Variants in BLVRA observed in about 807,000 individuals in gnomAD.
The protein encoded by BLVRA is BVR A.
BLVRA carries 22 observed loss-of-function variants against 32.8 expected under a neutral mutation model. The observed-to-expected ratio is 0.67, with a 90% CI of 0.48 to 0.96. BLVRA has a LOEUF of 0.96. Among genes scored for constraint, BLVRA ranks in the 40% least tolerant of loss-of-function variants. The pLI is 0.00. For synonymous variants in BLVRA, 119 were observed against 141.3 expected (o/e 0.84, Z 1.12); for missense variants, 323 against 358.1 (o/e 0.90, Z 0.79).
In BLVRA at chr7:43,785,018, G is replaced by A. The variant is rs544992020; in HGVS notation, c.13-2886G>A. Reference sequence around the variant, plus strand: ...TGACACACTGTGCAAGCCAGGTTTTGTATGCAAGTTTGTGTGTATCATTAA... The same window carrying A: ...TGACACACTGTGCAAGCCAGGTTTTATATGCAAGTTTGTGTGTATCATTAA... On this transcript the variant is annotated intron_variant, in intron 2 of 7. Transcript: ENST00000265523. Among the ~76,000 whole-genome samples the A allele has an allele frequency of 4.0e-4, 61 of 152,270 alleles. 2 individuals carry two copies. The South Asian group carries it at 0.011, about 28-fold the overall frequency.
At chr7:43,777,789 G>A (rs576824246) in intron 2 of BLVRA, among the ~76,000 whole-genome samples, 125 of 152,288 alleles carry the variant, frequency 8.2e-4, no homozygotes, top group African/African-American at 2.9e-3. Context: ...CCAATCAGAC[G>A]TAGATTTGGT....
At chr7:43,780,885 G>A (rs943746487) in intron 2 of BLVRA, among the ~76,000 whole-genome samples, 25 of 152,374 alleles carry the variant, frequency 1.6e-4, no homozygotes, top group South Asian at 4.1e-4. Flanking sequence ...CGTGGCGCAT[G>A]CCTGTAATCC....
At chr7:43,786,338 A>G (rs2095777503) in intron 2 of BLVRA, among the ~76,000 whole-genome samples, 1 of 152,208 alleles carries the variant, frequency 6.6e-6, no homozygotes, top group Non-Finnish European at 1.5e-5. Flanking sequence ...AAAAGGACAT[A>G]ACCATCCTAA....
chr7:43,791,667 C>T (rs2095786239), intron 4 of BLVRA: 2 of 338,684 alleles, frequency 5.9e-6, no homozygotes, highest in Non-Finnish European at 1.1e-5. Flanking sequence ...TAGTTTTCAA[C>T]AGTAGTGGCC....
intron 1 of BLVRA, among the ~76,000 whole-genome samples, chr7:43,766,434 A>G (rs2095748016): frequency 6.6e-6 from 1 of 152,238 alleles, no homozygotes; most frequent in Admixed American, 6.5e-5. Context: ...TAAATAGTAC[A>G]CCTTTGAAAT....
At chr7:43,776,239 G>A (rs2095760827) in intron 2 of BLVRA, among the ~76,000 whole-genome samples, 1 of 152,132 alleles carries the variant, frequency 6.6e-6, no homozygotes, top group Non-Finnish European at 1.5e-5. Context: ...ATGTTAGGGT[G>A]TCAATTTTAG....
intron 2 of BLVRA, among the ~76,000 whole-genome samples, chr7:43,781,288 T>G (rs1395279866): frequency 6.6e-6 from 1 of 152,186 alleles, no homozygotes; most frequent in African/African-American, 2.4e-5. Flanking sequence ...CTGTTGCCCC[T>G]TTATAGTCAC....
chr7:43,767,566 C>T (rs2095749623), intron 1 of BLVRA: 1 of 1,017,524 alleles, frequency 9.8e-7, no homozygotes, highest in Non-Finnish European at 1.5e-6. Flanking sequence ...GGAATGAAGG[C>T]TCATGACAGT....
intron 2 of BLVRA, among the ~76,000 whole-genome samples, chr7:43,776,548 T>A (rs1214031735): frequency 6.6e-6 from 1 of 152,134 alleles, no homozygotes; most frequent in Admixed American, 6.5e-5. Context: ...TTCTGAGGAG[T>A]GCTTTACTTC....
intron 2 of BLVRA, among the ~76,000 whole-genome samples, chr7:43,779,558 C>T (rs948934586): frequency 2.6e-5 from 4 of 152,210 alleles, no homozygotes; most frequent in East Asian, 3.8e-4. Flanking sequence ...CTCCCTATTA[C>T]GTTATCTTGA....
chr7:43,777,788 C>T (rs1458685525), intron 2 of BLVRA, among the ~76,000 whole-genome samples: 11 of 152,296 alleles, frequency 7.2e-5, no homozygotes, highest in African/African-American at 1.9e-4. Flanking sequence ...ACCAATCAGA[C>T]GTAGATTTGG....
chr7:43,798,409 C>T (rs949378791), intron 5 of BLVRA, among the ~76,000 whole-genome samples: 2 of 151,950 alleles, frequency 1.3e-5, no homozygotes, highest in Non-Finnish European at 2.9e-5. Context: ...AGTTAAATAT[C>T]CATTCTCATC....
At chr7:43,763,591 A>C (rs2095744710) in intron 1 of BLVRA, among the ~76,000 whole-genome samples, 1 of 152,182 alleles carries the variant, frequency 6.6e-6, no homozygotes, top group African/African-American at 2.4e-5. Context: ...CATACTGCGC[A>C]CCCGTGGGCC....
At chr7:43,789,135 T>A (rs910742337) in intron 3 of BLVRA, among the ~76,000 whole-genome samples, 1 of 152,184 alleles carries the variant, frequency 6.6e-6, no homozygotes, top group South Asian at 2.1e-4. Context: ...AGACTAATCC[T>A]GTGTAACATC....
chr7:43,778,417 G>A lies in BLVRA; in HGVS notation c.12+7247G>A, dbSNP rs190390954. Among the ~76,000 whole-genome samples the A allele has an allele frequency of 1.2e-3, 177 of 152,256 alleles. 1 individual carries two copies. Among genetic ancestry groups the A allele is most frequent in the Middle Eastern group, 6.8e-3 (2 of 294 alleles). On this transcript the variant is annotated intron_variant, in intron 2 of 7. Transcript: ENST00000265523. The stretch of plus-strand genomic sequence containing the variant: ...GTTTGCTAGAGGTCCACTCCAGACC[G>A]TTTGCCTGGGTATCAGCAGCGGTGG...
At chr7:43,774,943 C>G (rs963829506) in intron 2 of BLVRA, among the ~76,000 whole-genome samples, 12 of 152,174 alleles carry the variant, frequency 7.9e-5, no homozygotes, top group Non-Finnish European at 1.8e-4. Flanking sequence ...CTCTGTTTGT[C>G]TGTTATTGGT....
At position 43,792,612 on chromosome 7, in the gene BLVRA, G is replaced by C. The variant is rs140206968; in HGVS notation, c.255-103G>C. ...CCCAGTCATGACACATTCACACACA[G>C]AAACTCTCATGCCTTTATAACATTC... On this transcript the variant is annotated intron_variant, in intron 4 of 7. Coordinates refer to ENST00000265523, the MANE Select transcript of BLVRA (RefSeq NM_000712.4). 5 of 1,145,674 alleles carry C rather than the reference G, an allele frequency of 4.4e-6. No homozygotes were observed. In the African/African-American group the frequency reaches 7.6e-5, roughly 18 times the overall value. 71.0% of individuals were successfully genotyped at this position (1,145,674 alleles called of 1,614,324 possible).
intron 5 of BLVRA, among the ~76,000 whole-genome samples, chr7:43,798,195 C>CAAA (rs1585740517): frequency 5.0e-5 from 1 of 20,200 alleles, no homozygotes; most frequent in Non-Finnish European, 7.7e-5. Flanking sequence ...CTCCCCATCT[C>CAAA]ACAAAAAAAA....
intron 2 of BLVRA, among the ~76,000 whole-genome samples, chr7:43,786,984 G>A (rs1008264773): frequency 1.3e-5 from 2 of 151,876 alleles, no homozygotes; most frequent in Admixed American, 6.6e-5. Context: ...GTGCAGTGGC[G>A]CTATCTTGGG....
Sources: gnomAD v4.1 joint callset for allele counts (sites outside exome capture counted in the v4.1 genomes callset) on GRCh38, gnomAD v4.1.1 for gene constraint, MANE v1.5 for transcripts, NCBI Gene and HGNC (gene_info 2026-07-23, HGNC 2026-07-21) for gene names.